FAM107B: variants seen among roughly 807,000 people sequenced by gnomAD.
The protein encoded by FAM107B is protein FAM107B.
In FAM107B, 21 loss-of-function variants were observed where a neutral mutation model predicts 31.5. The ratio of observed to expected loss-of-function variants is 0.67; its 90% CI spans 0.47 to 0.96. FAM107B has a LOEUF of 0.96. FAM107B is among the 40% of genes least tolerant of loss of function. The pLI is 0.00. For synonymous variants in FAM107B, 157 were observed against 141.5 expected (o/e 1.11, Z -0.78); for missense variants, 452 against 377.1 (o/e 1.20, Z -1.64).
intron 1 of FAM107B, among the ~76,000 whole-genome samples, chr10:14,690,819 C>G (rs545111830): frequency 6.6e-6 from 1 of 152,144 alleles, no homozygotes; most frequent in Non-Finnish European, 1.5e-5. Flanking sequence ...CCTGCTGGAA[C>G]CTTGACTGAT....
At chr10:14,690,632 T>C (rs2131508872) in intron 1 of FAM107B, among the ~76,000 whole-genome samples, 1 of 152,216 alleles carries the variant, frequency 6.6e-6, no homozygotes, top group Admixed American at 6.5e-5. Flanking sequence ...TTTTGTATTT[T>C]TAGTAGAGAC....
chr10:14,639,442 G>A (rs1419977343), intron 2 of FAM107B, among the ~76,000 whole-genome samples: 1 of 152,152 alleles, frequency 6.6e-6, no homozygotes, highest in Non-Finnish European at 1.5e-5. Context: ...TTGAAAAGCT[G>A]CCTGATTTTT....
rs191590417 is a variant in FAM107B at position 14,522,320 on chromosome 10, G to A, written c.654-301C>T. Reference sequence around the variant, plus strand: ...GCAGTGAGGGTGGGGATGTGCGTACGATGACTGTGATGGGTGCCCATGACA... The same window carrying A: ...GCAGTGAGGGTGGGGATGTGCGTACAATGACTGTGATGGGTGCCCATGACA... On this transcript the variant is annotated intron_variant, in intron 3 of 4. Coordinates refer to ENST00000181796, the MANE Select transcript of FAM107B (RefSeq NM_031453.4). 704 of 285,692 alleles carry A rather than the reference G, an allele frequency of 2.5e-3. 3 individuals carry two copies. The highest frequency in any genetic ancestry group is 2.9e-3 in the Non-Finnish European group (450 of 152,830). 17.7% of individuals were successfully genotyped at this position (285,692 alleles called of 1,614,324 possible). A position where few individuals can be genotyped will look rare whatever the true frequency, so the allele number is the denominator to read the frequency against.
At chr10:14,591,658 G>C (rs1456287560) in intron 2 of FAM107B, among the ~76,000 whole-genome samples, 1 of 152,196 alleles carries the variant, frequency 6.6e-6, no homozygotes, top group Non-Finnish European at 1.5e-5. Flanking sequence ...AAAGGGTCAA[G>C]CTGCCACCCA....
intron 2 of FAM107B, among the ~76,000 whole-genome samples, chr10:14,545,114 C>G (rs1314365800): frequency 6.6e-6 from 1 of 152,060 alleles, no homozygotes; most frequent in African/African-American, 2.4e-5. Context: ...AAATTTATTC[C>G]ATCATACAGA....
Position 14,521,046 on chromosome 10 carries a change from C to T in FAM107B, c.*144G>A, listed in dbSNP as rs987543236. 8 of 685,346 alleles carry T rather than the reference C, an allele frequency of 1.2e-5. No individual in the cohort carries two copies. Among genetic ancestry groups the T allele is most frequent in the Admixed American group, 5.2e-5 (2 of 38,634 alleles). The allele number at this position is 685,346 out of a possible 1,614,324, so 42.5% of individuals were successfully genotyped here. A position where few individuals can be genotyped will look rare whatever the true frequency, so the allele number is the denominator to read the frequency against. The stretch of plus-strand genomic sequence containing the variant: ...TCACAGGCAAGGCATCCACCCAGAT[C>T]GTAGGAAAATCAAACCAAATCCTAC... On this transcript the variant is annotated 3_prime_UTR_variant, in exon 5 of 5. Transcript: ENST00000181796.
intron 2 of FAM107B, among the ~76,000 whole-genome samples, chr10:14,646,017 G>C (rs1853743749): frequency 6.6e-6 from 1 of 151,870 alleles, no homozygotes; most frequent in African/African-American, 2.4e-5. Flanking sequence ...CTCTCCAGTT[G>C]ACCACTCTGC....
At position 14,733,873 on chromosome 10, in the gene FAM107B, G is replaced by C. The variant is rs116663647; in HGVS notation, c.411+40380C>G. Among the ~76,000 whole-genome samples, 227 of 152,196 alleles carry C rather than the reference G, an allele frequency of 1.5e-3. 1 individual carries two copies. The highest frequency in any genetic ancestry group is 5.3e-3 in the African/African-American group (221 of 41,498). ...TTCTCCCTGAACAGGTTTTTCATTT[G>C]GCCATATTAACTGCATAAACCCTTT... On this transcript the variant is annotated intron_variant, in intron 1 of 4. Coordinates refer to ENST00000181796, the MANE Select transcript of FAM107B (RefSeq NM_031453.4).
intron 2 of FAM107B, among the ~76,000 whole-genome samples, chr10:14,545,399 T>C (rs1848603004): frequency 6.6e-6 from 1 of 152,228 alleles, no homozygotes; most frequent in South Asian, 2.1e-4. Flanking sequence ...TCCTGGGCTC[T>C]ATCACTAACA....
rs1462285961 is a variant in FAM107B, at chr10:14,689,180, G to C, written c.412-21489C>G. Among the ~76,000 whole-genome samples, 4 of 151,830 alleles carry C rather than the reference G, an allele frequency of 2.6e-5. No individual in the cohort carries two copies. The East Asian group carries it at 7.7e-4, about 29-fold the overall frequency. The stretch of plus-strand genomic sequence containing the variant: ...AGACTGCTTGAGCTCAGGAGTTCGA[G>C]ACCAGCCTGGGCCACATAGCAAAAC... On this transcript the variant is annotated intron_variant, in intron 1 of 4. Coordinates refer to ENST00000181796, the MANE Select transcript of FAM107B (RefSeq NM_031453.4).
chr10:14,709,471 C>G (rs987649708), intron 1 of FAM107B, among the ~76,000 whole-genome samples: 1 of 151,976 alleles, frequency 6.6e-6, no homozygotes, highest in Admixed American at 6.6e-5. Flanking sequence ...TAGGGAAACT[C>G]CAGTTTTTAT....
At chr10:14,663,402 G>A (rs1056219051) in intron 2 of FAM107B, 9 of 152,268 alleles carry the variant, frequency 5.9e-5, no homozygotes, top group African/African-American at 1.7e-4. Context: ...GGTAAACTTC[G>A]TCTCCCCCAT....
chr10:14,523,614 T>G lies in FAM107B; in HGVS notation c.654-1595A>C, dbSNP rs554845535. Among the ~76,000 whole-genome samples, 3 of 152,328 alleles carry G rather than the reference T, an allele frequency of 2.0e-5. No individual in the cohort carries two copies. The South Asian group carries it at 6.2e-4, about 32-fold the overall frequency. On this transcript the variant is annotated intron_variant, in intron 3 of 4. Transcript: ENST00000181796. Reference sequence around the variant, plus strand: ...CTATCAACTACCGTGACTAACCAACTAGGAGTCATCTGAGCAACTGTTAAA... The same window carrying G: ...CTATCAACTACCGTGACTAACCAACGAGGAGTCATCTGAGCAACTGTTAAA...
intron 1 of FAM107B, among the ~76,000 whole-genome samples, chr10:14,743,917 G>A (rs1287920347): frequency 6.6e-6 from 1 of 152,126 alleles, no homozygotes; most frequent in East Asian, 1.9e-4. Flanking sequence ...AATGAGAATA[G>A]CACTGAATCT....
rs144014059 is a variant in FAM107B at position 14,617,575 on chromosome 10, G to A, written c.469+50059C>T. 1.7e-4 allele frequency among the ~76,000 whole-genome samples: 26 copies of A among 152,270 alleles called. No homozygotes were observed. The East Asian group carries it at 3.7e-3, about 21-fold the overall frequency. ...TGGCTGCTTAGAAGTGATGAAACACGTAAGTGGCTATCTGTGTTTGAGCAG... is the reference window on the plus strand; with the variant it reads ...TGGCTGCTTAGAAGTGATGAAACACATAAGTGGCTATCTGTGTTTGAGCAG... On this transcript the variant is annotated intron_variant, in intron 2 of 4. Transcript: ENST00000181796.
chr10:14,620,254 T>G (rs1468431702), intron 2 of FAM107B, among the ~76,000 whole-genome samples: 3 of 152,072 alleles, frequency 2.0e-5, no homozygotes, highest in African/African-American at 4.8e-5. Flanking sequence ...CTCGACCTCG[T>G]GATCCGCCCA....
chr10:14,765,936 G>T (rs1328338727), intron 1 of FAM107B, among the ~76,000 whole-genome samples: 2 of 152,168 alleles, frequency 1.3e-5, no homozygotes, highest in African/African-American at 4.8e-5. Flanking sequence ...TATTAGATAA[G>T]GGGGATGCAG....
At chr10:14,541,627 T>C (rs1474204517) in intron 2 of FAM107B, among the ~76,000 whole-genome samples, 2 of 152,188 alleles carry the variant, frequency 1.3e-5, no homozygotes, top group Non-Finnish European at 2.9e-5. Flanking sequence ...GGACGCCCCT[T>C]GCCTCAGGCA....
chr10:14,522,095 C>T, intron 3 of FAM107B, 76 bp from the exon 4 acceptor site: 1 of 1,533,150 alleles, frequency 6.5e-7, no homozygotes, highest in South Asian at 1.3e-5. Flanking sequence ...ATTTAACTTA[C>T]AATATCAACC....
Sources: allele counts gnomAD v4.1 joint callset (sites outside exome capture counted in the v4.1 genomes callset), GRCh38; gene constraint gnomAD v4.1.1; transcripts MANE v1.5; gene names NCBI Gene and HGNC (gene_info 2026-07-23, HGNC 2026-07-21).